Variants in HSD17B12 observed in about 807,000 individuals in gnomAD.
HSD17B12 encodes hydroxysteroid 17-beta dehydrogenase 12.
In HSD17B12, 32 loss-of-function variants were observed where a neutral mutation model predicts 39.3. That is an observed-to-expected ratio of 0.81 (90% CI 0.61 to 1.09). HSD17B12 has a LOEUF of 1.09. HSD17B12 is among the 50% of genes least tolerant of loss of function. HSD17B12 has a pLI of 0.00. For missense variants in HSD17B12, 342 were observed against 382.9 expected (o/e 0.89, Z 0.89); for synonymous variants, 150 against 146.7 (o/e 1.02, Z -0.16).
the HSD17B12 span, among the ~76,000 whole-genome samples, chr11:43,607,244 G>A: frequency 6.6e-6 from 1 of 151,588 alleles, no homozygotes; most frequent in Non-Finnish European, 1.5e-5. Flanking sequence ...GAGAAAGGAG[G>A]GAAGATGGTG....
At chr11:43,701,238 T>A (rs746966370) in intron 1 of HSD17B12, among the ~76,000 whole-genome samples, 1 of 152,204 alleles carries the variant, frequency 6.6e-6, no homozygotes. Context: ...TGGTTATTAA[T>A]CCCTTATCAG....
At chr11:43,594,630 G>C in the HSD17B12 span, among the ~76,000 whole-genome samples, 2 of 151,638 alleles carry the variant, frequency 1.3e-5, no homozygotes, top group Non-Finnish European at 2.9e-5. Context: ...GGCTTTCTAA[G>C]AGCTAATGAT....
intron 6 of HSD17B12, among the ~76,000 whole-genome samples, chr11:43,822,409 T>C (rs946837139): frequency 6.6e-6 from 1 of 152,192 alleles, no homozygotes; most frequent in Non-Finnish European, 1.5e-5. Flanking sequence ...TGTATACATG[T>C]GCCATGTTGG....
In HSD17B12 at chr11:43,690,381, TATATATATATATATATATATATA is replaced by T. The variant is rs1236209605; in HGVS notation, c.160+9395_160+9417del. Among the ~76,000 whole-genome samples the T allele has an allele frequency of 2.2e-3, 31 of 13,820 alleles. 1 individual carries two copies. Among genetic ancestry groups the T allele is most frequent in the Non-Finnish European group, 3.4e-3 (23 of 6,856 alleles). 9.1% of individuals were successfully genotyped at this position (13,820 alleles called of 152,430 possible). A position where few individuals can be genotyped will look rare whatever the true frequency, so the allele number is the denominator to read the frequency against. Reference sequence around the variant, plus strand: ...TCATACATATATATATATATATATATATATATATATATATATATATATATTTTTTTTTTTTTTTTTCTGAGACA... The same window carrying T: ...TCATACATATATATATATATATATATTTTTTTTTTTTTTTTTTCTGAGACA... On this transcript the variant is annotated intron_variant, in intron 1 of 10. Transcript: ENST00000278353.
the HSD17B12 span, among the ~76,000 whole-genome samples, chr11:43,656,091 T>G: frequency 6.6e-6 from 1 of 152,344 alleles, no homozygotes; most frequent in East Asian, 1.9e-4. Flanking sequence ...GAGCCTGTTA[T>G]TCGTCTATTC....
intron 3 of HSD17B12, among the ~76,000 whole-genome samples, chr11:43,773,547 A>G (rs1468862694): frequency 6.6e-6 from 1 of 152,092 alleles, no homozygotes; most frequent in African/African-American, 2.4e-5. Context: ...CCTAAAATCG[A>G]CTTTGTTTCT....
At chr11:43,619,522 G>A in the HSD17B12 span, among the ~76,000 whole-genome samples, 23 of 150,704 alleles carry the variant, frequency 1.5e-4, no homozygotes, top group South Asian at 4.6e-3. Flanking sequence ...CCCGAGTAGC[G>A]GGGATTACAG....
At chr11:43,781,657 A>G (rs967936054) in intron 3 of HSD17B12, among the ~76,000 whole-genome samples, 2 of 152,252 alleles carry the variant, frequency 1.3e-5, no homozygotes, top group Non-Finnish European at 2.9e-5. Flanking sequence ...ATATATATAC[A>G]TATATATACA....
At chr11:43,724,721 C>T (rs1321314064) in intron 1 of HSD17B12, among the ~76,000 whole-genome samples, 1 of 152,126 alleles carries the variant, frequency 6.6e-6, no homozygotes, top group East Asian at 1.9e-4. Context: ...CAAATGCCCC[C>T]TGCTAGTACC....
intron 9 of HSD17B12, among the ~76,000 whole-genome samples, chr11:43,840,737 T>A (rs1050774477): frequency 6.6e-6 from 1 of 152,222 alleles, no homozygotes; most frequent in South Asian, 2.1e-4. Context: ...TAAAATGCCA[T>A]TGTATATAGA....
the HSD17B12 span, among the ~76,000 whole-genome samples, chr11:43,575,695 C>T: frequency 6.6e-6 from 1 of 152,212 alleles, no homozygotes; most frequent in Admixed American, 6.5e-5. This position sits in a 1 kb window ranked among gnomAD's most constrained non-coding sequence, Gnocchi z 4.1. Context: ...CTCAGCTGAA[C>T]CAGACCCACC....
chr11:43,626,438 A>G, the HSD17B12 span, among the ~76,000 whole-genome samples: 1 of 151,878 alleles, frequency 6.6e-6, no homozygotes, highest in African/African-American at 2.4e-5. Context: ...AGAACATGTT[A>G]CACATTCACT....
chr11:43,761,876 G>A (rs1950558075), intron 3 of HSD17B12, among the ~76,000 whole-genome samples: 1 of 152,192 alleles, frequency 6.6e-6, no homozygotes, highest in Admixed American at 6.5e-5. Flanking sequence ...ACCATACTCT[G>A]TTGGTCAAAG....
intron 1 of HSD17B12, among the ~76,000 whole-genome samples, chr11:43,726,050 G>A (rs370963776): frequency 6.6e-6 from 1 of 152,154 alleles, no homozygotes; most frequent in East Asian, 1.9e-4. Context: ...AATAGTGATA[G>A]TAATATGTAG....
the HSD17B12 span, among the ~76,000 whole-genome samples, chr11:43,669,168 G>A: frequency 2.6e-5 from 4 of 151,870 alleles, no homozygotes; most frequent in Admixed American, 6.6e-5. Flanking sequence ...TAGGTCTACC[G>A]CAACAAGGTG....
At chr11:43,735,900 G>A (rs992153254) in intron 1 of HSD17B12, among the ~76,000 whole-genome samples, 4 of 152,172 alleles carry the variant, frequency 2.6e-5, no homozygotes, top group African/African-American at 9.7e-5. Flanking sequence ...ACTGCCACAC[G>A]CTTTTAAACC....
At chr11:43,590,693 G>A in the HSD17B12 span, among the ~76,000 whole-genome samples, 1 of 150,500 alleles carries the variant, frequency 6.6e-6, no homozygotes, top group African/African-American at 2.4e-5. Context: ...TGTATTTTTA[G>A]TAGAGACGAG....
At chr11:43,765,170 T>C (rs1164556745) in intron 3 of HSD17B12, among the ~76,000 whole-genome samples, 1 of 152,136 alleles carries the variant, frequency 6.6e-6, no homozygotes, top group East Asian at 1.9e-4. Context: ...TTTATTTCCC[T>C]TTTCCCCTGT....
intron 1 of HSD17B12, among the ~76,000 whole-genome samples, chr11:43,715,378 A>G (rs1253524450): frequency 2.0e-5 from 3 of 152,106 alleles, no homozygotes; most frequent in Non-Finnish European, 4.4e-5. Flanking sequence ...ATCTATTGAG[A>G]TAATCATGTG....
Sources: gnomAD v4.1 joint callset for allele counts (sites outside exome capture counted in the v4.1 genomes callset) on GRCh38, gnomAD v4.1.1 for gene constraint, Gnocchi (gnomAD v3.1) non-coding constraint, MANE v1.5 for transcripts, NCBI Gene and HGNC (gene_info 2026-07-23, HGNC 2026-07-21) for gene names.